Variants in HMGB1 observed in about 807,000 individuals in gnomAD.
HMGB1 encodes the protein high mobility group box 1, also known as high mobility group protein B1.
For synonymous variants in HMGB1, 81 were observed against 84.0 expected, an observed-to-expected ratio of 0.96 and a Z score of 0.19; for missense variants, 79 against 253.5, an observed-to-expected ratio of 0.31 and a Z score of 4.67.
intron 1 of HMGB1, among the ~76,000 whole-genome samples, chr13:30,615,650 T>G (rs3759513): frequency 0.41 from 62,186 of 152,010 alleles, 13,161 homozygotes; most frequent in Middle Eastern, 0.64. Context: ...GTCAGTCACT[T>G]CAACTCTCAT....
chr13:30,554,389 T>C lies in HMGB1; in HGVS notation c.-15+62282A>G. On this transcript the variant is annotated intron_variant, in intron 1 of 4. Coordinates refer to the HMGB1 transcript ENST00000405805. ...GTCTTGTTTTGATGGGAAAAGGAGA[T>C]TATATTAACATTAAACAAGTGTTAT... 4.8e-6 allele frequency: 4 copies of C among 832,308 alleles called. No homozygotes were observed. In the South Asian group the frequency reaches 5.4e-5, roughly 11 times the overall value. The allele number at this position is 832,308 out of a possible 1,614,324, so 51.6% of individuals were successfully genotyped here. A position where few individuals can be genotyped will look rare whatever the true frequency, so the allele number is the denominator to read the frequency against.
At chr13:30,485,540 G>T (rs2137435569) in intron 1 of HMGB1, among the ~76,000 whole-genome samples, 1 of 152,086 alleles carries the variant, frequency 6.6e-6, no homozygotes, top group Non-Finnish European at 1.5e-5. Flanking sequence ...TTTTTTTAGA[G>T]CGAGGGTCTC....
intron 1 of HMGB1, among the ~76,000 whole-genome samples, chr13:30,576,356 T>G (rs1303234848): frequency 6.9e-6 from 1 of 144,840 alleles, no homozygotes; most frequent in Non-Finnish European, 1.5e-5. Context: ...TAAAGAATTA[T>G]AAAATCATCT....
At chr13:30,482,808 GAC>G (rs1466519615) in intron 1 of HMGB1, among the ~76,000 whole-genome samples, 1 of 152,004 alleles carries the variant, frequency 6.6e-6, no homozygotes, top group Admixed American at 6.6e-5. Flanking sequence ...TTTAAATAGA[GAC>G]AGAGTCTTAT....
In HMGB1 at chr13:30,462,451, C is replaced by T. The variant is rs527620039; in HGVS notation, c.471+87G>A. On this transcript the variant is annotated intron_variant, in intron 4 of 4. Transcript: ENST00000341423. ...CACCATACTTAATGTAGCTGTTACCCTAAAAACTTATTACACCTCAAACTA... is the reference window on the plus strand; with the variant it reads ...CACCATACTTAATGTAGCTGTTACCTTAAAAACTTATTACACCTCAAACTA... The T allele has an allele frequency of 4.8e-5, 51 of 1,069,016 alleles. No homozygotes were observed. The East Asian group carries it at 1.2e-3, about 25-fold the overall frequency. The allele number at this position is 1,069,016 out of a possible 1,614,324, so 66.2% of individuals were successfully genotyped here.
intron 1 of HMGB1, among the ~76,000 whole-genome samples, chr13:30,481,524 AG>A (rs987600822): frequency 4.6e-5 from 7 of 152,382 alleles, no homozygotes; most frequent in African/African-American, 1.7e-4. Flanking sequence ...AGATTTGGAC[AG>A]GACCCAAGGC....
At chr13:30,607,330 G>A (rs2137570721) in intron 1 of HMGB1, among the ~76,000 whole-genome samples, 1 of 152,318 alleles carries the variant, frequency 6.6e-6, no homozygotes. Flanking sequence ...TGTCAAAGGA[G>A]AAGCCTGGTG....
intron 1 of HMGB1, among the ~76,000 whole-genome samples, chr13:30,586,062 T>A (rs1291796552): frequency 1.3e-5 from 2 of 152,126 alleles, no homozygotes; most frequent in Non-Finnish European, 2.9e-5. Context: ...GTTTTCTAAT[T>A]TTTTTTATTG....
chr13:30,616,667 T>A (rs1031772502), intron 1 of HMGB1: 5 of 152,158 alleles, frequency 3.3e-5, no homozygotes, highest in African/African-American at 1.2e-4. Flanking sequence ...GTAAACAAAC[T>A]AACCAGCCTA....
intron 1 of HMGB1, among the ~76,000 whole-genome samples, chr13:30,528,528 C>T (rs768432309): frequency 3.9e-5 from 6 of 152,150 alleles, no homozygotes; most frequent in Non-Finnish European, 8.8e-5. Context: ...GTTGACCAGA[C>T]GCCCGCATAT....
At position 30,457,170 on chromosome 13, in the gene HMGB1, T is replaced by C. The variant is rs1886025650; in HGVS notation, c.*4187A>G. On this transcript the variant is annotated 3_prime_UTR_variant, in exon 5 of 5. Coordinates refer to ENST00000341423, the MANE Select transcript of HMGB1 (RefSeq NM_002128.7). Reference sequence around the variant, plus strand: ...GTATATCTGCAAAATTATTTATTTCTAGTAGACAAGGCCTCACTATGTTGC... The same window carrying C: ...GTATATCTGCAAAATTATTTATTTCCAGTAGACAAGGCCTCACTATGTTGC... The C allele has an allele frequency of 6.6e-6, 1 of 152,190 alleles. No individual in the cohort carries two copies. The highest frequency in any genetic ancestry group is 6.5e-5 in the Admixed American group (1 of 15,270). The allele number at this position is 152,190 out of a possible 1,614,324, so 9.4% of individuals were successfully genotyped here.
rs543387581 is a variant in HMGB1 at position 30,606,780 on chromosome 13, T to C, written c.-15+9891A>G. Among the ~76,000 whole-genome samples, 3 of 152,340 alleles carry C rather than the reference T, an allele frequency of 2.0e-5. No individual in the cohort carries two copies. In the East Asian group the frequency reaches 5.8e-4, roughly 29 times the overall value. ...CTTAAAATGCAAACTGACCTAACAATGCTTATGGTTAGAATTCCAAAGAAT... is the reference window on the plus strand; with the variant it reads ...CTTAAAATGCAAACTGACCTAACAACGCTTATGGTTAGAATTCCAAAGAAT... On this transcript the variant is annotated intron_variant, in intron 1 of 4. Transcript: ENST00000405805.
intron 1 of HMGB1, among the ~76,000 whole-genome samples, chr13:30,589,728 G>C (rs1203820433): frequency 2.0e-5 from 3 of 151,994 alleles, no homozygotes; most frequent in African/African-American, 7.3e-5. Flanking sequence ...AAATTAGCTG[G>C]TAATGGTGGT....
intron 1 of HMGB1, among the ~76,000 whole-genome samples, chr13:30,598,709 C>A (rs1407777227): frequency 6.6e-6 from 1 of 152,108 alleles, no homozygotes; most frequent in Non-Finnish European, 1.5e-5. Flanking sequence ...GGGGCTACAG[C>A]CTTGGTGGCA....
chr13:30,475,026 GCT>G (rs1192619297), intron 1 of HMGB1, among the ~76,000 whole-genome samples: 1 of 76,682 alleles, frequency 1.3e-5, no homozygotes, highest in African/African-American at 5.5e-5. Flanking sequence ...TGCGACCTCA[GCT>G]CTCTCTCTCT....
chr13:30,608,428 T>C (rs953995697), intron 1 of HMGB1, among the ~76,000 whole-genome samples: 4 of 152,170 alleles, frequency 2.6e-5, no homozygotes, highest in African/African-American at 9.7e-5. Flanking sequence ...CATTAATACC[T>C]ATTGAGTACT....
intron 1 of HMGB1, among the ~76,000 whole-genome samples, chr13:30,525,755 C>G (rs907514456): frequency 6.6e-6 from 1 of 151,836 alleles, no homozygotes; most frequent in Non-Finnish European, 1.5e-5. Flanking sequence ...GGAACTCACT[C>G]GCTACCATAA....
At chr13:30,462,383 A>T in intron 4 of HMGB1, 155 bp downstream of exon 4, 1 of 761,798 alleles carries the variant, frequency 1.3e-6, no homozygotes. Flanking sequence ...ACCCTAATTT[A>T]TTTGGTCCTC....
chr13:30,508,486 T>G (rs1887919908), intron 1 of HMGB1, among the ~76,000 whole-genome samples: 1 of 151,912 alleles, frequency 6.6e-6, no homozygotes, highest in Non-Finnish European at 1.5e-5. Flanking sequence ...CACTCCAGTC[T>G]GATGACAGAG....
Sources: allele counts gnomAD v4.1 joint callset (sites outside exome capture counted in the v4.1 genomes callset), GRCh38; gene constraint gnomAD v4.1.1; transcripts MANE v1.5; gene names NCBI Gene and HGNC (gene_info 2026-07-23, HGNC 2026-07-21).